Variants in BICC1 observed in about 807,000 individuals in gnomAD.
BICC1 encodes protein bicaudal C homolog 1.
Under a neutral mutation model 111.0 loss-of-function variants are expected in BICC1, and 43 were observed. That is an observed-to-expected ratio of 0.39 (90% CI 0.30 to 0.50). The LOEUF (loss-of-function observed/expected upper bound fraction) is 0.50. Among genes scored for constraint, BICC1 ranks in the 20% least tolerant of loss-of-function variants. The pLI, the probability that BICC1 is intolerant of heterozygous loss-of-function variation, is 0.88. For missense variants in BICC1, 1,091 were observed against 1,203.2 expected, an observed-to-expected ratio of 0.91 and a Z score of 1.38; for synonymous variants, 467 against 434.4, an observed-to-expected ratio of 1.07 and a Z score of -0.93.
chr10:58,709,628 A>G (rs181419063), intron 3 of BICC1, among the ~76,000 whole-genome samples: 2 of 152,356 alleles, frequency 1.3e-5, no homozygotes, highest in African/African-American at 4.8e-5. Context: ...ATGGGAATGT[A>G]TATCCCTAAG....
At chr10:58,758,152 T>C (rs1444801009) in intron 3 of BICC1, among the ~76,000 whole-genome samples, 1 of 152,210 alleles carries the variant, frequency 6.6e-6, no homozygotes, top group Non-Finnish European at 1.5e-5. Context: ...TAGCCGTCAT[T>C]AAAAATTTTT....
intron 2 of BICC1, among the ~76,000 whole-genome samples, chr10:58,637,008 G>A (rs1837972139): frequency 6.6e-6 from 1 of 151,042 alleles, no homozygotes; most frequent in Non-Finnish European, 1.5e-5. Flanking sequence ...ATCTTTAGTT[G>A]CTTGAAAAAA....
intron 1 of BICC1, among the ~76,000 whole-genome samples, chr10:58,603,542 A>C (rs778251147): frequency 6.6e-6 from 1 of 152,182 alleles, no homozygotes; most frequent in African/African-American, 2.4e-5. Flanking sequence ...CCGTCAGTCC[A>C]CTGTAGAGCG....
At chr10:58,564,173 T>G (rs1658440) in intron 1 of BICC1, among the ~76,000 whole-genome samples, 4 of 152,044 alleles carry the variant, frequency 2.6e-5, no homozygotes, top group Non-Finnish European at 4.4e-5. Flanking sequence ...TTTTTCCTTT[T>G]CTTTTTCTTG....
rs528320144 is a variant in BICC1, at chr10:58,666,460, A to G, written c.238-35614A>G. On this transcript the variant is annotated intron_variant, in intron 2 of 20. Coordinates refer to ENST00000373886, the MANE Select transcript of BICC1 (RefSeq NM_001080512.3). ...AGGCCATATTTAGTTTGCTTTAACAATATCCTAATTATGTTCTTTTCCTTC... is the reference window on the plus strand; with the variant it reads ...AGGCCATATTTAGTTTGCTTTAACAGTATCCTAATTATGTTCTTTTCCTTC... Among the ~76,000 whole-genome samples, 9 of 152,296 alleles carry G rather than the reference A, an allele frequency of 5.9e-5. 1 individual carries two copies. The East Asian group carries it at 1.5e-3, about 26-fold the overall frequency.
chr10:58,556,891 T>G (rs1843463618), intron 1 of BICC1, among the ~76,000 whole-genome samples: 1 of 152,082 alleles, frequency 6.6e-6, no homozygotes, highest in Non-Finnish European at 1.5e-5. Context: ...TAACATCTTT[T>G]TAAGTGGTTT....
At chr10:58,623,241 T>A (rs1845881873) in intron 2 of BICC1, among the ~76,000 whole-genome samples, 3 of 152,284 alleles carry the variant, frequency 2.0e-5, no homozygotes, top group African/African-American at 7.2e-5. Context: ...AATAATAAAA[T>A]TAATTTTAAA....
At chr10:58,604,974 T>G (rs560077180) in intron 1 of BICC1, among the ~76,000 whole-genome samples, 1 of 152,282 alleles carries the variant, frequency 6.6e-6, no homozygotes, top group South Asian at 2.1e-4. Flanking sequence ...TGTTCTCTCT[T>G]ATGAGGGTGC....
intron 3 of BICC1, among the ~76,000 whole-genome samples, chr10:58,733,935 C>T (rs1589077832): frequency 6.6e-6 from 1 of 152,340 alleles, no homozygotes. Context: ...TTGTACCTCA[C>T]TGTAAACATC....
chr10:58,737,873 G>A (rs1841524284), intron 3 of BICC1, among the ~76,000 whole-genome samples: 1 of 152,146 alleles, frequency 6.6e-6, no homozygotes, highest in Non-Finnish European at 1.5e-5. Context: ...TCTTTTGGCT[G>A]CATAAATGTC....
intron 1 of BICC1, among the ~76,000 whole-genome samples, chr10:58,616,569 C>T (rs1484161514): frequency 6.6e-6 from 1 of 152,158 alleles, no homozygotes; most frequent in Non-Finnish European, 1.5e-5. Flanking sequence ...CTGGAGGCCA[C>T]ATGTGGAGTT....
chr10:58,715,714 G>T, intron 3 of BICC1: 1 of 1,578,474 alleles, frequency 6.3e-7, no homozygotes, highest in South Asian at 1.1e-5. Context: ...AAAAAGAAAG[G>T]TTCCAAGGCT....
intron 2 of BICC1, among the ~76,000 whole-genome samples, chr10:58,638,747 C>A (rs765512661): frequency 6.6e-6 from 1 of 152,132 alleles, no homozygotes; most frequent in African/African-American, 2.4e-5. Flanking sequence ...GAGATAGTCC[C>A]GGCACTGGGT....
intron 2 of BICC1, chr10:58,650,522 A>T (rs1838413656): frequency 6.6e-6 from 1 of 152,154 alleles, no homozygotes; most frequent in Admixed American, 6.5e-5. Flanking sequence ...GGACTATGTG[A>T]GGGGCTTGCA....
intron 1 of BICC1, among the ~76,000 whole-genome samples, chr10:58,607,886 C>G (rs1845281701): frequency 6.6e-6 from 1 of 152,096 alleles, no homozygotes; most frequent in East Asian, 1.9e-4. Context: ...ATATGATGCC[C>G]TAGAACTGGA....
chr10:58,681,485 T>A (rs536718169), intron 2 of BICC1, among the ~76,000 whole-genome samples: 1 of 152,254 alleles, frequency 6.6e-6, no homozygotes, highest in East Asian at 1.9e-4. Flanking sequence ...TGGTGATCAT[T>A]AAAATGTCAG....
rs58990657 is a variant in BICC1, at chr10:58,688,495, C to G, written c.238-13579C>G. Among the ~76,000 whole-genome samples, 4 of 152,226 alleles carry G rather than the reference C, an allele frequency of 2.6e-5. No homozygotes were observed. The East Asian group carries it at 7.8e-4, about 30-fold the overall frequency. ...GTCCCCCCCTGACCCAGAAGCCCAG[C>G]CGGCTTCACCTCTCACCGGCAATCT... On this transcript the variant is annotated intron_variant, in intron 2 of 20. Transcript: ENST00000373886.
At chr10:58,765,969 G>A (rs1183272870) in intron 3 of BICC1, among the ~76,000 whole-genome samples, 1 of 152,212 alleles carries the variant, frequency 6.6e-6, no homozygotes, top group African/African-American at 2.4e-5. Flanking sequence ...AATAAAGTTA[G>A]TCCACAAGGG....
At chr10:58,685,348 T>G (rs1375223646) in intron 2 of BICC1, among the ~76,000 whole-genome samples, 1 of 152,314 alleles carries the variant, frequency 6.6e-6, no homozygotes, top group African/African-American at 2.4e-5. Context: ...ATTCTGTTGA[T>G]TGGGGGTGGA....
Sources: allele counts gnomAD v4.1 joint callset (sites outside exome capture counted in the v4.1 genomes callset), GRCh38; gene constraint gnomAD v4.1.1; transcripts MANE v1.5; gene names NCBI Gene and HGNC (gene_info 2026-07-23, HGNC 2026-07-21).